Variants in EZH2 observed in about 807,000 individuals in gnomAD.
EZH2 encodes histone-lysine N-methyltransferase EZH2.
EZH2 carries 18 observed loss-of-function variants against 98.4 expected under a neutral mutation model. The observed-to-expected ratio is 0.18, with a 90% CI of 0.13 to 0.27. The LOEUF (loss-of-function observed/expected upper bound fraction) is 0.27, where lower values mean the gene tolerates loss of function less well. Ranked by LOEUF, EZH2 falls within the 10% of genes least tolerant of loss-of-function variation. The probability of loss-of-function intolerance (pLI) is 1.00; values close to 1 mark genes in which losing one functional copy is unlikely to be tolerated. For missense variants in EZH2, 470 were observed against 935.1 expected (o/e 0.50, Z 6.49); for synonymous variants, 338 against 312.3 (o/e 1.08, Z -0.87).
intron 14 of EZH2, 67 bp from the exon 15 acceptor site, chr7:148,814,204 G>C: frequency 1.4e-6 from 2 of 1,475,334 alleles, no homozygotes; most frequent in South Asian, 2.4e-5. Context: ...AAGATACGTG[G>C]CAAGGGCTGT....
intron 3 of EZH2, among the ~76,000 whole-genome samples, chr7:148,839,770 T>C (rs1487519860): frequency 6.6e-6 from 1 of 152,018 alleles, no homozygotes; most frequent in Non-Finnish European, 1.5e-5. Flanking sequence ...TGGTCTAGAA[T>C]TCCTGATCTC....
At chr7:148,827,421 T>A (rs1808042036) in intron 6 of EZH2, among the ~76,000 whole-genome samples, 155 bp from the exon 7 acceptor site, 1 of 152,234 alleles carries the variant, frequency 6.6e-6, no homozygotes, top group South Asian at 2.1e-4. Flanking sequence ...ACTTTACATG[T>A]CTGTGGAATG....
intron 4 of EZH2, among the ~76,000 whole-genome samples, chr7:148,832,197 A>G (rs535291571): frequency 5.9e-5 from 9 of 152,248 alleles, no homozygotes; most frequent in Middle Eastern, 3.4e-3. Context: ...CCATCCTTCC[A>G]CCTCAGCCTC....
At chr7:148,872,147 C>T (rs1819509408) in intron 1 of EZH2, among the ~76,000 whole-genome samples, 1 of 152,096 alleles carries the variant, frequency 6.6e-6, no homozygotes, top group African/African-American at 2.4e-5. Context: ...TAGTATACAG[C>T]CTTTACAGAA....
chr7:148,811,403 G>A (rs192182915), intron 16 of EZH2, among the ~76,000 whole-genome samples: 2 of 152,136 alleles, frequency 1.3e-5, no homozygotes, highest in East Asian at 1.9e-4. Context: ...CACCTGCCTC[G>A]GCCTCCCAAA....
At chr7:148,813,912 T>C in intron 15 of EZH2, 47 bp downstream of exon 15, 1 of 1,575,888 alleles carries the variant, frequency 6.3e-7, no homozygotes, top group South Asian at 1.2e-5. Context: ...TTTGCATCAC[T>C]AAATAGCTAA....
At chr7:148,825,174 T>C (rs373817679) in intron 8 of EZH2, among the ~76,000 whole-genome samples, 17 of 152,202 alleles carry the variant, frequency 1.1e-4, no homozygotes, top group African/African-American at 3.9e-4. Flanking sequence ...CTACATACAA[T>C]GTCCAATAGT....
At chr7:148,812,098 C>A (rs1803243792) in intron 15 of EZH2, among the ~76,000 whole-genome samples, 1 of 152,278 alleles carries the variant, frequency 6.6e-6, no homozygotes, top group African/African-American at 2.4e-5. Context: ...ACCACCAAAT[C>A]ACTCTTCCTC....
At chr7:148,809,200 C>G in intron 18 of EZH2, 45 bp from the exon 19 acceptor site, 2 of 1,595,564 alleles carry the variant, frequency 1.3e-6, no homozygotes, top group Non-Finnish European at 8.6e-7. Flanking sequence ...AGACGGGCCA[C>G]GGGGGGTTAA....
At chr7:148,835,423 C>CAAAAAAA (rs545080861) in intron 3 of EZH2, among the ~76,000 whole-genome samples, 1 of 71,418 alleles carries the variant, frequency 1.4e-5, no homozygotes, top group South Asian at 4.5e-4. Flanking sequence ...GACCCCGCCT[C>CAAAAAAA]AAAAAAAAAA....
chr7:148,821,767 A>C (rs1042300791), intron 8 of EZH2, among the ~76,000 whole-genome samples: 1 of 152,248 alleles, frequency 6.6e-6, no homozygotes, highest in Non-Finnish European at 1.5e-5. Flanking sequence ...TCAAGGTTGC[A>C]GTGAGCCATG....
intron 3 of EZH2, among the ~76,000 whole-genome samples, chr7:148,834,604 A>C (rs1810390696): frequency 6.6e-6 from 1 of 152,176 alleles, no homozygotes; most frequent in African/African-American, 2.4e-5. Context: ...AGTTAGGAAG[A>C]ACTGTGACAG....
intron 1 of EZH2, among the ~76,000 whole-genome samples, chr7:148,881,972 G>A (rs6948485): frequency 0.035 from 4,633 of 131,582 alleles, 105 homozygotes; most frequent in Non-Finnish European, 0.053. Context: ...ACACGCGCGC[G>A]CACACACACA....
At chr7:148,882,758 T>G (rs1158144987) in intron 1 of EZH2, among the ~76,000 whole-genome samples, 1 of 152,252 alleles carries the variant, frequency 6.6e-6, no homozygotes, top group Non-Finnish European at 1.5e-5. Flanking sequence ...AATAATAACT[T>G]GCTTGAACCC....
At position 148,807,498 on chromosome 7, in the gene EZH2, T is replaced by G. The variant is rs746851379; in HGVS notation, c.*148A>C. On this transcript the variant is annotated 3_prime_UTR_variant, in exon 20 of 20. Coordinates refer to ENST00000320356, the MANE Select transcript of EZH2 (RefSeq NM_004456.5). ...GTGAGAAGGCAATAAAAAGTTGATT[T>G]TTAAACTCATTACTATAAATTATTC... The G allele has an allele frequency of 7.4e-6, 5 of 678,580 alleles. No individual in the cohort carries two copies. The highest frequency in any genetic ancestry group is 1.3e-5 in the Non-Finnish European group (5 of 395,524). 42.0% of individuals were successfully genotyped at this position (678,580 alleles called of 1,614,324 possible). A position where few individuals can be genotyped will look rare whatever the true frequency, so the allele number is the denominator to read the frequency against.
intron 11 of EZH2, 61 bp from the exon 12 acceptor site, chr7:148,816,839 T>A: frequency 8.7e-7 from 1 of 1,147,202 alleles, no homozygotes; most frequent in Non-Finnish European, 1.3e-6. Context: ...ACCATTCTTA[T>A]ACTCATGCAT....
intron 15 of EZH2, among the ~76,000 whole-genome samples, chr7:148,812,987 G>C (rs1405960655): frequency 6.6e-6 from 1 of 151,974 alleles, no homozygotes; most frequent in Non-Finnish European, 1.5e-5. Flanking sequence ...TTGCTGGTAA[G>C]AAGTGTGTTC....
At chr7:148,858,181 A>T (rs1052246362) in intron 1 of EZH2, among the ~76,000 whole-genome samples, 10 of 151,836 alleles carry the variant, frequency 6.6e-5, no homozygotes, top group Admixed American at 6.6e-4. Context: ...AGTCCCAGCT[A>T]CTCGGGAGGC....
At chr7:148,815,819 GGT>G (rs879283791) in intron 12 of EZH2, among the ~76,000 whole-genome samples, 6 of 152,190 alleles carry the variant, frequency 3.9e-5, no homozygotes, top group Admixed American at 3.9e-4. Flanking sequence ...CAAAGCAGCA[GGT>G]GTGTCTGCCT....
Sources: allele counts gnomAD v4.1 joint callset (sites outside exome capture counted in the v4.1 genomes callset), GRCh38; gene constraint gnomAD v4.1.1; transcripts MANE v1.5; gene names NCBI Gene and HGNC (gene_info 2026-07-23, HGNC 2026-07-21).